The following CNTN4 variants were observed in gnomAD, a reference collection of about 807,000 sequenced individuals.
CNTN4 encodes contactin 4, also known as contactin-4.
CNTN4 carries 77 observed loss-of-function variants against 122.5 expected under a neutral mutation model. The ratio of observed to expected loss-of-function variants is 0.63; its 90% CI spans 0.52 to 0.76. The LOEUF (loss-of-function observed/expected upper bound fraction) is 0.76, where lower values mean the gene tolerates loss of function less well. CNTN4 is among the 30% of genes least tolerant of loss of function. The pLI, the probability that CNTN4 is intolerant of heterozygous loss-of-function variation, is 0.00. For missense variants in CNTN4, 1,256 were observed against 1,259.1 expected, an observed-to-expected ratio of 1.00 and a Z score of 0.04; for synonymous variants, 512 against 447.0, an observed-to-expected ratio of 1.15 and a Z score of -1.83.
At chr3:2,394,343 A>C (rs1023657347) in intron 3 of CNTN4, among the ~76,000 whole-genome samples, 2 of 152,166 alleles carry the variant, frequency 1.3e-5, no homozygotes, top group African/African-American at 4.8e-5. Context: ...TCATAGATGC[A>C]CTGGTTCAAA....
chr3:3,051,208 G>T (rs1476033531), intron 23 of CNTN4, among the ~76,000 whole-genome samples: 3 of 152,132 alleles, frequency 2.0e-5, no homozygotes, highest in African/African-American at 7.2e-5. Context: ...TTAAATAGTG[G>T]AAGTAGTCTA....
intron 3 of CNTN4, among the ~76,000 whole-genome samples, chr3:2,429,438 T>C (rs958139068): frequency 1.3e-5 from 2 of 152,172 alleles, no homozygotes; most frequent in African/African-American, 4.8e-5. Context: ...ATCGTTCCTC[T>C]GGAAGCTTCG....
chr3:2,475,308 C>A (rs1174281863), intron 3 of CNTN4, among the ~76,000 whole-genome samples: 1 of 152,166 alleles, frequency 6.6e-6, no homozygotes, highest in Non-Finnish European at 1.5e-5. Context: ...TAAACTAAAG[C>A]ACTAACCTCT....
At chr3:2,534,690 G>T (rs2077730525) in intron 3 of CNTN4, among the ~76,000 whole-genome samples, 1 of 151,426 alleles carries the variant, frequency 6.6e-6, no homozygotes, top group Non-Finnish European at 1.5e-5. Flanking sequence ...TTTTTATGTG[G>T]ATGTCCTCTG....
chr3:2,231,730 C>T (rs866093379), intron 2 of CNTN4, among the ~76,000 whole-genome samples: 2 of 151,988 alleles, frequency 1.3e-5, no homozygotes. Flanking sequence ...TTATCTAAAA[C>T]GAATGGTTGA....
intron 6 of CNTN4, among the ~76,000 whole-genome samples, chr3:2,811,724 G>T (rs942600374): frequency 2.0e-5 from 3 of 152,130 alleles, no homozygotes; most frequent in Admixed American, 6.5e-5. Context: ...TAGTGCAGTG[G>T]CGCGATCTCG....
At position 2,200,425 on chromosome 3, in the gene CNTN4, C is replaced by T. The variant is rs2038043280; in HGVS notation, c.-145+99786C>T. On this transcript the variant is annotated intron_variant, in intron 2 of 24. Coordinates refer to ENST00000418658, the MANE Select transcript of CNTN4 (RefSeq NM_175607.3). The stretch of plus-strand genomic sequence containing the variant: ...TGCTCCTCTCTGTTTCCTCCCGGGA[C>T]ATTTGGCAATTTCTGGAGGCATTTT... Among the ~76,000 whole-genome samples the T allele has an allele frequency of 2.0e-5, 3 of 152,244 alleles. No homozygotes were observed. In the South Asian group the frequency reaches 6.2e-4, roughly 32 times the overall value.
At chr3:2,618,272 A>G (rs2081853846) in intron 4 of CNTN4, among the ~76,000 whole-genome samples, 1 of 152,158 alleles carries the variant, frequency 6.6e-6, no homozygotes, top group South Asian at 2.1e-4. Flanking sequence ...ATGCATGTAT[A>G]TGTGTATAAA....
chr3:2,377,642 A>G (rs1028031473), intron 3 of CNTN4, among the ~76,000 whole-genome samples: 2 of 152,228 alleles, frequency 1.3e-5, no homozygotes, highest in Non-Finnish European at 2.9e-5. Context: ...TACCCGGAAT[A>G]TTTATAACAT....
At chr3:2,806,200 C>T (rs1027133912) in intron 6 of CNTN4, among the ~76,000 whole-genome samples, 40 of 152,208 alleles carry the variant, frequency 2.6e-4, no homozygotes, top group Non-Finnish European at 1.0e-4. Context: ...CGCGCCCAGC[C>T]TCTCATAGCA....
At chr3:2,617,069 A>G (rs539530207) in intron 4 of CNTN4, among the ~76,000 whole-genome samples, 92 of 152,352 alleles carry the variant, frequency 6.0e-4, no homozygotes, top group African/African-American at 2.1e-3. Flanking sequence ...ACCATTCAGG[A>G]CACGGGCACG....
At chr3:2,352,944 G>T (rs1200776886) in intron 3 of CNTN4, among the ~76,000 whole-genome samples, 1 of 152,092 alleles carries the variant, frequency 6.6e-6, no homozygotes, top group Admixed American at 6.5e-5. Flanking sequence ...TCAGTGCTCT[G>T]TGTCTAGCTA....
chr3:2,604,069 C>T (rs550119351), intron 4 of CNTN4, among the ~76,000 whole-genome samples: 1 of 152,138 alleles, frequency 6.6e-6, no homozygotes, highest in African/African-American at 2.4e-5. Context: ...AACATTTCTA[C>T]TTGGAAGTGA....
intron 4 of CNTN4, among the ~76,000 whole-genome samples, chr3:2,676,592 C>T (rs571491618): frequency 7.2e-4 from 109 of 152,276 alleles, no homozygotes; most frequent in African/African-American, 2.6e-3. Context: ...CATGGAGAAA[C>T]CTCATTTGAA....
intron 3 of CNTN4, among the ~76,000 whole-genome samples, chr3:2,451,027 C>A (rs1236146889): frequency 2.0e-5 from 3 of 152,000 alleles, no homozygotes; most frequent in Non-Finnish European, 2.9e-5. Flanking sequence ...AACTTTGCCC[C>A]CTGAGGTGGG....
intron 2 of CNTN4, among the ~76,000 whole-genome samples, chr3:2,120,795 CTG>C (rs78923820): frequency 0.27 from 41,149 of 151,928 alleles, 6,357 homozygotes; most frequent in Admixed American, 0.37. Flanking sequence ...GATCTTAAAA[CTG>C]AGTGAAATAC....
At chr3:2,551,304 C>T (rs1428944758) in intron 3 of CNTN4, among the ~76,000 whole-genome samples, 6 of 152,042 alleles carry the variant, frequency 3.9e-5, no homozygotes, top group African/African-American at 1.4e-4. Context: ...AGAATGTCAG[C>T]TCAAAATCTA....
intron 2 of CNTN4, among the ~76,000 whole-genome samples, chr3:2,191,886 C>A (rs906108092): frequency 5.9e-5 from 9 of 152,022 alleles, no homozygotes; most frequent in African/African-American, 1.2e-4. Context: ...CCCCTCCCCC[C>A]ACTCCACAAC....
In CNTN4 at chr3:2,840,654, A is replaced by C. The variant is rs575002108; in HGVS notation, c.454+21073A>C. ...GCGGAGCTTGCAGTGAGCCAAGATC[A>C]CACCACTGCACTCCAGCCTGGGCGA... On this transcript the variant is annotated intron_variant, in intron 7 of 24. Transcript: ENST00000418658. 1.5e-3 allele frequency among the ~76,000 whole-genome samples: 217 copies of C among 145,314 alleles called. 1 individual carries two copies. Among genetic ancestry groups the C allele is most frequent in the Non-Finnish European group, 2.5e-3 (167 of 66,726 alleles).
Sources: allele counts gnomAD v4.1 joint callset (sites outside exome capture counted in the v4.1 genomes callset), GRCh38; gene constraint gnomAD v4.1.1; transcripts MANE v1.5; gene names NCBI Gene and HGNC (gene_info 2026-07-23, HGNC 2026-07-21).